Variants in MCF2L2 observed in about 807,000 individuals in gnomAD.
MCF2L2 encodes the protein MCF.2 cell line derived transforming sequence-like 2.
A neutral mutation model predicts 150.2 loss-of-function variants in MCF2L2; 102 were observed. The ratio of observed to expected loss-of-function variants is 0.68; its 90% CI spans 0.58 to 0.80. The LOEUF (loss-of-function observed/expected upper bound fraction) is 0.80, where lower values mean the gene tolerates loss of function less well. MCF2L2 is among the 30% of genes least tolerant of loss of function. The pLI is 0.00. For missense variants in MCF2L2, 1,256 were observed against 1,372.8 expected, an observed-to-expected ratio of 0.91 and a Z score of 1.34; for synonymous variants, 465 against 491.3, an observed-to-expected ratio of 0.95 and a Z score of 0.71.
chr3:183,242,318 G>T (rs925908010), intron 15 of MCF2L2, among the ~76,000 whole-genome samples: 1 of 151,798 alleles, frequency 6.6e-6, no homozygotes, highest in South Asian at 2.1e-4. Context: ...AGACAAAGGG[G>T]AAAATGTCTG....
chr3:183,202,298 C>T (rs561656486), intron 25 of MCF2L2, among the ~76,000 whole-genome samples: 121 of 152,046 alleles, frequency 8.0e-4, no homozygotes, highest in Non-Finnish European at 1.5e-3. Flanking sequence ...CTTGGTTGCT[C>T]GAGGTATTGG....
intron 26 of MCF2L2, 58 bp from the exon 27 acceptor site, chr3:183,193,154 C>T (rs576780944): frequency 1.3e-5 from 18 of 1,414,666 alleles, no homozygotes; most frequent in Admixed American, 1.0e-4. Flanking sequence ...ACGCATCCCT[C>T]CCCCACCAGT....
At chr3:183,284,076 T>C (rs1340744408) in intron 14 of MCF2L2, among the ~76,000 whole-genome samples, 3 of 152,180 alleles carry the variant, frequency 2.0e-5, no homozygotes, top group African/African-American at 7.2e-5. Context: ...TAAATTGAGC[T>C]GAATAAGCCA....
chr3:183,355,479 G>A (rs1479454945), intron 3 of MCF2L2, among the ~76,000 whole-genome samples: 6 of 149,642 alleles, frequency 4.0e-5, no homozygotes, highest in African/African-American at 1.2e-4. Context: ...ACGGAGTCTC[G>A]CTCTGTCGCA....
intron 2 of MCF2L2, among the ~76,000 whole-genome samples, chr3:183,384,074 C>T (rs963287165): frequency 6.6e-6 from 1 of 152,222 alleles, no homozygotes; most frequent in African/African-American, 2.4e-5. Flanking sequence ...GAAAAGTTGT[C>T]TGCTGACCAG....
chr3:183,205,821 C>CA, intron 25 of MCF2L2, 55 bp downstream of exon 25: 1 of 1,314,782 alleles, frequency 7.6e-7, no homozygotes, highest in Non-Finnish European at 1.1e-6. Flanking sequence ...GCACATCCCC[C>CA]ACTGAGCTGA....
chr3:183,393,539 T>A (rs1714281930), intron 1 of MCF2L2, among the ~76,000 whole-genome samples: 1 of 152,154 alleles, frequency 6.6e-6, no homozygotes, highest in Non-Finnish European at 1.5e-5. Context: ...GAAGTGATAA[T>A]TCAATTTCAA....
chr3:183,224,022 G>C (rs1723255005), intron 19 of MCF2L2, 76 bp downstream of exon 19: 2 of 1,064,302 alleles, frequency 1.9e-6, no homozygotes, highest in South Asian at 1.3e-5. Context: ...CCTCTCCCTA[G>C]TCCCACTTTT....
At chr3:183,276,081 T>C (rs1727140916) in intron 15 of MCF2L2, among the ~76,000 whole-genome samples, 1 of 152,220 alleles carries the variant, frequency 6.6e-6, no homozygotes, top group African/African-American at 2.4e-5. Context: ...TTTCAGAGAT[T>C]ATACCATTCA....
chr3:183,230,857 G>T, intron 16 of MCF2L2, 94 bp downstream of exon 16: 1 of 896,488 alleles, frequency 1.1e-6, no homozygotes, highest in East Asian at 2.5e-5. Context: ...TGGGAATTCT[G>T]GAGACTTCTG....
At chr3:183,238,294 T>TTTTTG (rs1367459234) in intron 15 of MCF2L2, among the ~76,000 whole-genome samples, 3 of 151,910 alleles carry the variant, frequency 2.0e-5, no homozygotes, top group African/African-American at 4.8e-5. Flanking sequence ...GTTAATGTAT[T>TTTTTG]TTTTGTTTTG....
chr3:183,192,707 A>AAAG, intron 27 of MCF2L2: 1 of 320,788 alleles, frequency 3.1e-6, no homozygotes. Flanking sequence ...ATATTTGGAC[A>AAAG]GCAGTTGACT....
intron 25 of MCF2L2, among the ~76,000 whole-genome samples, chr3:183,202,374 C>A (rs1283599010): frequency 6.6e-6 from 1 of 152,150 alleles, no homozygotes; most frequent in Non-Finnish European, 1.5e-5. Context: ...ATAAGATGCT[C>A]ATAGAGGGTT....
intron 18 of MCF2L2, chr3:183,225,255 C>A (rs1418386664): frequency 6.6e-6 from 1 of 152,270 alleles, no homozygotes; most frequent in Non-Finnish European, 1.5e-5. Context: ...GGAACTACAG[C>A]AACCGTCCTT....
intron 23 of MCF2L2, among the ~76,000 whole-genome samples, 178 bp downstream of exon 23, chr3:183,207,430 C>T (rs986055472): frequency 6.6e-6 from 1 of 152,188 alleles, no homozygotes; most frequent in Non-Finnish European, 1.5e-5. Flanking sequence ...AGCCCTGGCC[C>T]ATAAGCTCTG....
At position 183,179,495 on chromosome 3, in the gene MCF2L2, C is replaced by T. The variant is rs1242782132; in HGVS notation, c.3230G>A (p.Arg1077His). The change falls in exon 30 of 30, where the codon CGC becomes CAC. Residue 1077 changes from arginine (R) to histidine (H), a missense_variant. Physicochemically the swap from Arg to His is conservative, Grantham distance 29. Coordinates refer to ENST00000328913, the MANE Select transcript of MCF2L2 (RefSeq NM_015078.4). The surrounding 1 kb of genome is among the most constrained non-coding windows in gnomAD (Gnocchi z 4.2). ...CCCAGCGCGCTCCTCCTCGGTGCTGCGGGTCGCCCTGCAATTCCGAGAAGA... is the reference window on the plus strand; with the variant it reads ...CCCAGCGCGCTCCTCCTCGGTGCTGTGGGTCGCCCTGCAATTCCGAGAAGA... ...EERDEEETAT[R>H]STEEERAGAS... 2 of 1,608,670 alleles carry T rather than the reference C, an allele frequency of 1.2e-6. No individual in the cohort carries two copies. Among genetic ancestry groups the T allele is most frequent in the African/African-American group, 1.3e-5 (1 of 74,940 alleles).
In MCF2L2 at chr3:183,318,114, G is replaced by A. The variant is rs759404985; in HGVS notation, c.707C>T (p.Thr236Met). ...TAELPRSMLS[T>M]EDLLMSHTRQ... is the part of the protein sequence containing the mutation. ...TGTGTGGGACATGAGAAGGTCTTCC[G>A]TGGATAGCATGCTTCTGGGCAGCTC... Residue 236 changes from threonine (T) to methionine (M), a missense_variant, in exon 7 of 30, where the codon ACG (threonine) becomes ATG (methionine). Physicochemically the swap from Thr to Met is moderately conservative, Grantham distance 81. Coordinates refer to ENST00000328913, the MANE Select transcript of MCF2L2 (RefSeq NM_015078.4). The A allele has an allele frequency of 1.7e-5, 27 of 1,614,188 alleles. No homozygotes were observed. The East Asian group carries it at 2.2e-4, about 13-fold the overall frequency.
chr3:183,297,865 T>C (rs1455385211), intron 11 of MCF2L2: 1 of 152,250 alleles, frequency 6.6e-6, no homozygotes, highest in African/African-American at 2.4e-5. Context: ...GGTCTAACCA[T>C]AGAGAAATGT....
chr3:183,400,855 A>T (rs1010076752), intron 1 of MCF2L2, among the ~76,000 whole-genome samples: 8 of 149,436 alleles, frequency 5.4e-5, no homozygotes, highest in African/African-American at 1.5e-4. Flanking sequence ...AGGATGATTT[A>T]AAAAAAAAAT....
Sources: gnomAD v4.1 joint callset for allele counts (sites outside exome capture counted in the v4.1 genomes callset) on GRCh38, gnomAD v4.1.1 for gene constraint, Gnocchi (gnomAD v3.1) non-coding constraint, MANE v1.5 for transcripts, NCBI Gene and HGNC (gene_info 2026-07-23, HGNC 2026-07-21) for gene names.